Variants in UST observed in about 807,000 individuals in gnomAD.
UST encodes uronyl 2-sulfotransferase.
Under a neutral mutation model 45.6 loss-of-function variants are expected in UST, and 21 were observed. The observed-to-expected ratio is 0.46, with a 90% CI of 0.33 to 0.66. The LOEUF (loss-of-function observed/expected upper bound fraction) is 0.66, where lower values mean the gene tolerates loss of function less well. Among genes scored for constraint, UST ranks in the 30% least tolerant of loss-of-function variants. UST has a pLI of 0.02. For synonymous variants in UST, 215 were observed against 200.6 expected (o/e 1.07, Z -0.61); for missense variants, 463 against 512.4 (o/e 0.90, Z 0.93).
At position 148,785,525 on chromosome 6, in the gene UST, A is replaced by G. The variant is rs576141945; in HGVS notation, c.247+37848A>G. On this transcript the variant is annotated intron_variant, in intron 1 of 7. Transcript: ENST00000367463. ...TAATTTGCCTTTATTGAAATTACAT[A>G]CTATTAAAATGACCAGCGAACTACC... Among the ~76,000 whole-genome samples the G allele has an allele frequency of 3.3e-5, 5 of 152,364 alleles. No homozygotes were observed. In the South Asian group the frequency reaches 1.0e-3, roughly 32 times the overall value.
At chr6:148,783,378 A>G (rs1562256259) in intron 1 of UST, among the ~76,000 whole-genome samples, 1 of 152,180 alleles carries the variant, frequency 6.6e-6, no homozygotes, top group Non-Finnish European at 1.5e-5. Flanking sequence ...TACACAAATA[A>G]CATTTCTGTA....
At chr6:148,993,236 T>C (rs759173123) in intron 5 of UST, 13 of 219,810 alleles carry the variant, frequency 5.9e-5, no homozygotes, top group Admixed American at 4.6e-4. Flanking sequence ...GTGGCACAGG[T>C]CATCAGCTAA....
intron 1 of UST, among the ~76,000 whole-genome samples, chr6:148,778,498 A>G (rs945975771): frequency 2.0e-5 from 3 of 152,322 alleles, no homozygotes; most frequent in Admixed American, 6.5e-5. Context: ...TAATTCTACA[A>G]CGGTGCCCTT....
rs137969087 is a variant in UST at position 149,043,203 on chromosome 6, G to A, written c.937+21722G>A. Among the ~76,000 whole-genome samples the A allele has an allele frequency of 8.6e-4, 130 of 151,474 alleles. 1 individual carries two copies. Among genetic ancestry groups the A allele is most frequent in the Middle Eastern group, 6.8e-3 (2 of 294 alleles). ...GGCTCACTGCAGCCTCAACCTCTTG[G>A]GACCAAATTCTGTCCTCCTGCCTCA... is the stretch of plus-strand genomic sequence containing the variant. On this transcript the variant is annotated intron_variant, in intron 7 of 7. Transcript: ENST00000367463.
intron 1 of UST, among the ~76,000 whole-genome samples, chr6:148,800,080 TC>T (rs2114715573): frequency 6.6e-6 from 1 of 152,354 alleles, no homozygotes; most frequent in African/African-American, 2.4e-5. Context: ...TTTCCTAGCT[TC>T]CATGAGTCTT....
chr6:149,025,008 A>C (rs1357988010), intron 7 of UST, among the ~76,000 whole-genome samples: 1 of 152,232 alleles, frequency 6.6e-6, no homozygotes, highest in Non-Finnish European at 1.5e-5. Flanking sequence ...GCAATACTAA[A>C]AATATGTATA....
chr6:149,063,373 A>C (rs959054936), intron 7 of UST, among the ~76,000 whole-genome samples: 1 of 152,214 alleles, frequency 6.6e-6, no homozygotes, highest in Non-Finnish European at 1.5e-5. Context: ...CCAATCCCTA[A>C]AGGTAATAAG....
At chr6:148,908,607 T>A (rs1355929287) in intron 2 of UST, among the ~76,000 whole-genome samples, 1 of 152,222 alleles carries the variant, frequency 6.6e-6, no homozygotes, top group African/African-American at 2.4e-5. Context: ...TGAATGTGTG[T>A]TAAACGAATT....
At chr6:149,006,169 C>G (rs1214226565) in intron 5 of UST, among the ~76,000 whole-genome samples, 1 of 152,160 alleles carries the variant, frequency 6.6e-6, no homozygotes. Flanking sequence ...TGGTGGTTTG[C>G]TGCACCCATC....
intron 3 of UST, among the ~76,000 whole-genome samples, chr6:148,946,147 A>G (rs919187672): frequency 6.6e-6 from 1 of 152,186 alleles, no homozygotes; most frequent in Admixed American, 6.5e-5. Flanking sequence ...ACCTAAAAAA[A>G]TCATGTTAAG....
chr6:148,905,997 T>C (rs760677196), intron 2 of UST, among the ~76,000 whole-genome samples: 48 of 151,186 alleles, frequency 3.2e-4, no homozygotes, highest in Admixed American at 5.9e-4. Flanking sequence ...TACATCTTTT[T>C]TGGCTTAATG....
intron 1 of UST, among the ~76,000 whole-genome samples, chr6:148,828,251 T>G (rs1277916386): frequency 1.3e-5 from 2 of 151,568 alleles, no homozygotes; most frequent in Non-Finnish European, 2.9e-5. Context: ...ATTTATTTAT[T>G]TATTTATTTA....
intron 2 of UST, among the ~76,000 whole-genome samples, chr6:148,890,630 T>C (rs56904209): frequency 0.21 from 32,092 of 152,086 alleles, 4,138 homozygotes; most frequent in African/African-American, 0.35. Flanking sequence ...ATTTAGGGAA[T>C]GGGGTGTGCC....
intron 6 of UST, 35 bp downstream of exon 6, chr6:149,019,271 C>T (rs371379181): frequency 1.0e-4 from 161 of 1,547,004 alleles, no homozygotes; most frequent in African/African-American, 7.2e-4. Flanking sequence ...CATGCACGTA[C>T]GCACAACAAG....
intron 5 of UST, among the ~76,000 whole-genome samples, chr6:148,966,837 A>G (rs2114962531): frequency 6.6e-6 from 1 of 152,330 alleles, no homozygotes; most frequent in East Asian, 1.9e-4. Context: ...CCGGGGTTCA[A>G]GCGATTCTCC....
intron 1 of UST, among the ~76,000 whole-genome samples, chr6:148,848,654 A>AG (rs1444285551): frequency 6.8e-6 from 1 of 147,422 alleles, no homozygotes; most frequent in African/African-American, 2.5e-5. Context: ...CTGGTGACAG[A>AG]GTGAGACTCC....
intron 7 of UST, among the ~76,000 whole-genome samples, chr6:149,045,720 C>G (rs925721439): frequency 6.6e-6 from 1 of 152,202 alleles, no homozygotes; most frequent in African/African-American, 2.4e-5. Flanking sequence ...GCAAAAATCT[C>G]TGAGAAGGAG....
At chr6:148,775,324 A>G (rs935819512) in intron 1 of UST, among the ~76,000 whole-genome samples, 1 of 152,194 alleles carries the variant, frequency 6.6e-6, no homozygotes, top group Admixed American at 6.5e-5. Flanking sequence ...AGTGTCGCCC[A>G]GCGTGAGAGG....
At chr6:148,915,083 C>T (rs1296424253) in intron 2 of UST, among the ~76,000 whole-genome samples, 1 of 152,018 alleles carries the variant, frequency 6.6e-6, no homozygotes, top group Admixed American at 6.6e-5. Flanking sequence ...GCACTAATCC[C>T]GTTTATGCCT....
Sources: allele counts gnomAD v4.1 joint callset (sites outside exome capture counted in the v4.1 genomes callset), GRCh38; gene constraint gnomAD v4.1.1; transcripts MANE v1.5; gene names NCBI Gene and HGNC (gene_info 2026-07-23, HGNC 2026-07-21).